The following ARHGAP21 variants were observed in gnomAD, a reference collection of about 807,000 sequenced individuals.
ARHGAP21 encodes the protein rho GTPase-activating protein 21.
A neutral mutation model predicts 164.6 loss-of-function variants in ARHGAP21; 38 were observed. That is an observed-to-expected ratio of 0.23 (90% CI 0.18 to 0.30). ARHGAP21 has a LOEUF of 0.30. ARHGAP21 is among the 10% of genes least tolerant of loss of function. The probability of loss-of-function intolerance (pLI) is 1.00; values close to 1 mark genes in which losing one functional copy is unlikely to be tolerated. For missense variants in ARHGAP21, 1,822 were observed against 2,370.7 expected (o/e 0.77, Z 4.81); for synonymous variants, 766 against 857.9 (o/e 0.89, Z 1.87).
rs182398300 is a variant in ARHGAP21, at chr10:24,652,285, A to G, written c.268+14700T>C. ...CACAAAATAGTGTGGGGCCAAATAAATATCTACATAGGAAAAAAATTCATC... is the reference window on the plus strand; with the variant it reads ...CACAAAATAGTGTGGGGCCAAATAAGTATCTACATAGGAAAAAAATTCATC... On this transcript the variant is annotated intron_variant, in intron 4 of 25. Coordinates refer to ENST00000396432, the MANE Select transcript of ARHGAP21 (RefSeq NM_020824.4). 7.2e-5 allele frequency among the ~76,000 whole-genome samples: 11 copies of G among 152,332 alleles called. No individual in the cohort carries two copies. The East Asian group carries it at 2.1e-3, about 29-fold the overall frequency.
chr10:24,696,061 T>C (rs958443224), intron 2 of ARHGAP21, among the ~76,000 whole-genome samples: 14 of 152,184 alleles, frequency 9.2e-5, no homozygotes, highest in African/African-American at 2.9e-4. Flanking sequence ...ACTGACACAC[T>C]CTACCACCAA....
chr10:24,617,334 T>C (rs1487446203), intron 9 of ARHGAP21, among the ~76,000 whole-genome samples: 1 of 151,882 alleles, frequency 6.6e-6, no homozygotes, highest in East Asian at 1.9e-4. Context: ...TGTTATTATG[T>C]AGGAAGAAAA....
At chr10:24,615,992 G>A (rs1410553250) in intron 9 of ARHGAP21, among the ~76,000 whole-genome samples, 3 of 152,004 alleles carry the variant, frequency 2.0e-5, no homozygotes, top group African/African-American at 7.3e-5. Context: ...TGGCCAGGCT[G>A]GTCTTGAACT....
intron 2 of ARHGAP21, among the ~76,000 whole-genome samples, chr10:24,699,526 TGTTGGCCA>T (rs1282419003): frequency 6.6e-6 from 1 of 152,054 alleles, no homozygotes; most frequent in Non-Finnish European, 1.5e-5. Flanking sequence ...GGTTTCACCA[TGTTGGCCA>T]GGCTGGTCTC....
chr10:24,677,886 TA>T (rs1841407507), intron 2 of ARHGAP21, among the ~76,000 whole-genome samples: 1 of 152,198 alleles, frequency 6.6e-6, no homozygotes, highest in African/African-American at 2.4e-5. Context: ...CACGGATGAA[TA>T]AAATAGTCAT....
chr10:24,645,191 C>A (rs1837438269), intron 4 of ARHGAP21, among the ~76,000 whole-genome samples: 2 of 152,236 alleles, frequency 1.3e-5, no homozygotes, highest in African/African-American at 2.4e-5. Flanking sequence ...TTCTGGAATG[C>A]CATTTTTCCT....
At chr10:24,630,118 A>G in intron 6 of ARHGAP21, 68 bp from the exon 7 acceptor site, 1 of 792,310 alleles carries the variant, frequency 1.3e-6, no homozygotes, top group Non-Finnish European at 1.9e-6. Flanking sequence ...ATGGAAAAAC[A>G]GTTAACTCAG....
Position 24,620,680 on chromosome 10 carries a change from A to G in ARHGAP21, c.1215T>C (p.Cys405=), listed in dbSNP as rs1403520594. The change falls in exon 9 of 26, where the codon TGT becomes TGC. Residue 405 remains cysteine (C), a synonymous_variant. Coordinates refer to ENST00000396432, the MANE Select transcript of ARHGAP21 (RefSeq NM_020824.4). Reference sequence around the variant, plus strand: ...TATCTAATCTTTCTTGTATTGTCCGACAACCTATGTGCAATCGTCTGTTAT... The same window carrying G: ...TATCTAATCTTTCTTGTATTGTCCGGCAACCTATGTGCAATCGTCTGTTAT... ...YIDNRRLHIG[C]RTIQERLDSL... is the part of the protein sequence containing the mutation. 6.2e-7 allele frequency: 1 copy of G among 1,614,196 alleles called. No homozygotes were observed. The highest frequency in any genetic ancestry group is 1.1e-5 in the South Asian group (1 of 91,086).
chr10:24,613,848 G>T (rs934338749), intron 9 of ARHGAP21, among the ~76,000 whole-genome samples: 1 of 152,160 alleles, frequency 6.6e-6, no homozygotes, highest in African/African-American at 2.4e-5. Flanking sequence ...AGGGCAAGTG[G>T]AAGGATCACT....
intron 4 of ARHGAP21, among the ~76,000 whole-genome samples, chr10:24,650,201 A>T (rs1177532142): frequency 6.6e-6 from 1 of 152,186 alleles, no homozygotes; most frequent in Non-Finnish European, 1.5e-5. Flanking sequence ...AGAGAATTAC[A>T]TCACATATAA....
At chr10:24,640,026 T>C (rs1397542948) in intron 4 of ARHGAP21, 1 of 151,856 alleles carries the variant, frequency 6.6e-6, no homozygotes, top group East Asian at 1.9e-4. Flanking sequence ...GAGAAACAGA[T>C]CATGATAGTA....
rs540817648 is a variant in ARHGAP21 at position 24,590,842 on chromosome 10, T to C, written c.4150+383A>G. The C allele has an allele frequency of 9.2e-6, 9 of 980,688 alleles. No homozygotes were observed. In the East Asian group the frequency reaches 4.6e-4, roughly 50 times the overall value. The allele number at this position is 980,688 out of a possible 1,614,324, so 60.7% of individuals were successfully genotyped here. On this transcript the variant is annotated intron_variant, in intron 24 of 25. Coordinates refer to ENST00000396432, the MANE Select transcript of ARHGAP21 (RefSeq NM_020824.4). ...CTGGCTCAAGAATAAGAACTACTTATACAGCCCAGATCATACTTTCTGCCA... is the reference window on the plus strand; with the variant it reads ...CTGGCTCAAGAATAAGAACTACTTACACAGCCCAGATCATACTTTCTGCCA...
chr10:24,632,476 TAAAG>T (rs969322575), intron 6 of ARHGAP21, among the ~76,000 whole-genome samples: 4 of 152,174 alleles, frequency 2.6e-5, no homozygotes, highest in African/African-American at 7.2e-5. Flanking sequence ...ATTAAAACAT[TAAAG>T]AAAACACTCT....
At chr10:24,641,115 G>C (rs189133190) in intron 4 of ARHGAP21, among the ~76,000 whole-genome samples, 74 of 152,196 alleles carry the variant, frequency 4.9e-4, no homozygotes, top group Admixed American at 4.8e-3. Context: ...TCTTATTGTT[G>C]ACAACAGGCT....
At chr10:24,688,431 G>A (rs1467285722) in intron 2 of ARHGAP21, among the ~76,000 whole-genome samples, 2 of 152,014 alleles carry the variant, frequency 1.3e-5, no homozygotes, top group Non-Finnish European at 2.9e-5. Context: ...CCATTTTATA[G>A]AACAGAACAC....
intron 3 of ARHGAP21, among the ~76,000 whole-genome samples, chr10:24,667,239 T>C (rs1287260921): frequency 1.3e-5 from 2 of 152,180 alleles, no homozygotes; most frequent in Non-Finnish European, 2.9e-5. Context: ...ACTGGAAAGA[T>C]AGAGTTTTCA....
chr10:24,633,962 C>T (rs1836114406), intron 5 of ARHGAP21, among the ~76,000 whole-genome samples: 1 of 132,072 alleles, frequency 7.6e-6, no homozygotes, highest in South Asian at 2.5e-4. Context: ...GGTGCAATCT[C>T]GGCTTACTGC....
At chr10:24,593,986 T>TG (rs1409046605) in intron 21 of ARHGAP21, among the ~76,000 whole-genome samples, 1 of 152,142 alleles carries the variant, frequency 6.6e-6, no homozygotes, top group Non-Finnish European at 1.5e-5. Flanking sequence ...GACACTCTTC[T>TG]CATAATCAAT....
At chr10:24,606,666 A>G (rs1291462306) in intron 11 of ARHGAP21, among the ~76,000 whole-genome samples, 1 of 152,136 alleles carries the variant, frequency 6.6e-6, no homozygotes, top group Non-Finnish European at 1.5e-5. Context: ...AGCCTGACCA[A>G]CATGGTGAAA....
Sources: allele counts gnomAD v4.1 joint callset (sites outside exome capture counted in the v4.1 genomes callset), GRCh38; gene constraint gnomAD v4.1.1; transcripts MANE v1.5; gene names NCBI Gene and HGNC (gene_info 2026-07-23, HGNC 2026-07-21).